Variants in CST1 observed in about 807,000 individuals in gnomAD.
The protein encoded by CST1 is cystatin SN.
A neutral mutation model predicts 10.7 loss-of-function variants in CST1; 19 were observed. That is an observed-to-expected ratio of 1.78 (90% CI 1.24 to 2.61). CST1 has a LOEUF of 2.61. CST1 is among the 30% of genes most tolerant of loss of function. The probability of loss-of-function intolerance (pLI) is 0.00; values close to 1 mark genes in which losing one functional copy is unlikely to be tolerated. For missense variants in CST1, 247 were observed against 178.1 expected (o/e 1.39, Z -2.20); for synonymous variants, 95 against 72.8 (o/e 1.31, Z -1.55).
rs372538698 is a variant in CST1, at chr20:23,749,119, C to T, written c.239G>A (p.Gly80Glu). ...VLRARQQTVGGVNYFFDVEVG... is the reference protein window; with the variant it reads ...VLRARQQTVGEVNYFFDVEVG... ...CTCTACGTCGAAGAAGTAATTCACC[C>T]CCCCAACGGTCTGCACACAGGAGAA... The change falls in exon 2 of 3, where the codon GGG (glycine) becomes GAG (glutamate). Residue 80 changes from glycine to glutamate, a missense_variant. Transcript: ENST00000304749. 8.7e-6 allele frequency: 14 copies of T among 1,614,036 alleles called. No homozygotes were observed. In the African/African-American group the frequency reaches 9.3e-5, roughly 11 times the overall value.
At chr20:23,749,601 C>A (rs1600406329) in intron 1 of CST1, among the ~76,000 whole-genome samples, 2 of 152,226 alleles carry the variant, frequency 1.3e-5, no homozygotes, top group Admixed American at 1.3e-4. Context: ...ACCTGCGTGT[C>A]TTACAGTTGC....
Position 23,749,052 on chromosome 20 carries a change from G to T in CST1, c.306C>A (p.Asp102Glu). The change falls in exon 2 of 3, where the codon GAC (aspartate) becomes GAA (glutamate). Residue 102 changes from aspartate (D) to glutamate (E), a missense_variant. By Grantham distance (45) the Asp-to-Glu change is conservative. Coordinates refer to ENST00000304749, the MANE Select transcript of CST1 (RefSeq NM_001898.3). ...CTGGCTGTTCATGGAAGGCACAGGT[G>T]TCCAAGTTGGGCTGGGACTTGGTAC... The part of the protein sequence containing the change: ...TICTKSQPNL[D>E]TCAFHEQPEL... 1.2e-6 allele frequency: 2 copies of T among 1,614,172 alleles called. No individual in the cohort carries two copies. The highest frequency in any genetic ancestry group is 1.7e-6 in the Non-Finnish European group (2 of 1,180,026).
chr20:23,748,728 TGTAC>T (rs1982741534), intron 2 of CST1, among the ~76,000 whole-genome samples: 1 of 152,010 alleles, frequency 6.6e-6, no homozygotes, highest in East Asian at 1.9e-4. Context: ...CATGGATCTA[TGTAC>T]AAAGCCCCAT....
At chr20:23,750,023 C>T (rs189239828) in intron 1 of CST1, among the ~76,000 whole-genome samples, 64 of 151,846 alleles carry the variant, frequency 4.2e-4, no homozygotes, top group African/African-American at 1.5e-3. Context: ...GGCCCAGTTG[C>T]CCTGCTGAAG....
At chr20:23,750,612 G>C in intron 1 of CST1, 27 bp downstream of exon 1, 2 of 1,609,150 alleles carry the variant, frequency 1.2e-6, no homozygotes, top group Non-Finnish European at 1.7e-6. Context: ...TGGGACCCAG[G>C]ACCCCTGGGG....
At position 23,749,012 on chromosome 20, in the gene CST1, G is replaced by C. The variant is rs755348321; in HGVS notation, c.342+4C>G. The C allele has an allele frequency of 6.2e-7, 1 of 1,614,126 alleles. No homozygotes were observed. The highest frequency in any genetic ancestry group is 8.5e-7 in the Non-Finnish European group (1 of 1,180,010). On this transcript the variant is annotated splice_donor_region_variant and intron_variant, in intron 2 of 2. Transcript: ENST00000304749. Reference sequence around the variant, plus strand: ...CTGGCCCGGGACCTGCATCAGGAACGTACCTTCTGCAGTTCTGGCTGTTCA... The same window carrying C: ...CTGGCCCGGGACCTGCATCAGGAACCTACCTTCTGCAGTTCTGGCTGTTCA...
chr20:23,749,175 C>T (rs748048090), intron 1 of CST1, 46 bp from the exon 2 acceptor site: 3 of 1,583,532 alleles, frequency 1.9e-6, no homozygotes, highest in Non-Finnish European at 2.6e-6. Flanking sequence ...AGTTCATGCA[C>T]TCACAGGCAC....
rs188356246 is a variant in CST1 at position 23,747,795 on chromosome 20, C to A, written c.*21G>T. 3 of 1,610,716 alleles carry A rather than the reference C, an allele frequency of 1.9e-6. No individual in the cohort carries two copies. The highest frequency in any genetic ancestry group is 2.2e-5 in the East Asian group (1 of 44,838). On this transcript the variant is annotated 3_prime_UTR_variant, in exon 3 of 3. Transcript: ENST00000304749. ...GGGTGGGAGTGGGTGGTGGCTGGTG[C>A]GAATGGCCTGGCACAGATCCCTAGG...
At chr20:23,750,476 C>A (rs894141187) in intron 1 of CST1, among the ~76,000 whole-genome samples, 163 bp downstream of exon 1, 6 of 152,178 alleles carry the variant, frequency 3.9e-5, no homozygotes, top group Non-Finnish European at 8.8e-5. Context: ...GGCCGGGGAG[C>A]GTGCTTAGGC....
Position 23,747,692 on chromosome 20 carries a change from T to G in CST1, c.*124A>C. 2 of 831,458 alleles carry G rather than the reference T, an allele frequency of 2.4e-6. No individual in the cohort carries two copies. Among genetic ancestry groups the G allele is most frequent in the Non-Finnish European group, 1.9e-6 (1 of 515,258 alleles). 51.5% of individuals were successfully genotyped at this position (831,458 alleles called of 1,614,324 possible). A position where few individuals can be genotyped will look rare whatever the true frequency, so the allele number is the denominator to read the frequency against. On this transcript the variant is annotated 3_prime_UTR_variant, in exon 3 of 3. Transcript: ENST00000304749. ...CAAAGGACTCCTGCAGCCTTCTCTG[T>G]CTGTCTCTTGGCGCAGGCACATGGG...
At chr20:23,750,547 T>A (rs1982802201) in intron 1 of CST1, 92 bp downstream of exon 1, 2 of 1,111,416 alleles carry the variant, frequency 1.8e-6, no homozygotes, top group East Asian at 2.4e-5. Context: ...AGATCATGAA[T>A]GTATCAGTGT....
At chr20:23,747,965 T>A (rs1455071759) in intron 2 of CST1, 66 bp from the exon 3 acceptor site, 8 of 1,489,376 alleles carry the variant, frequency 5.4e-6, no homozygotes, top group South Asian at 3.4e-5. Context: ...TGCCCAGGCA[T>A]GAGATGTCAG....
chr20:23,748,909 T>A (rs1982748313), intron 2 of CST1, 107 bp downstream of exon 2: 4 of 834,182 alleles, frequency 4.8e-6, no homozygotes, highest in Middle Eastern at 2.6e-4. Context: ...GCTCCCCACA[T>A]ACCCACCTGC....
intron 1 of CST1, 80 bp from the exon 2 acceptor site, chr20:23,749,209 C>G: frequency 1.7e-6 from 2 of 1,144,738 alleles, no homozygotes; most frequent in Non-Finnish European, 2.6e-6. Flanking sequence ...AGTCACTGGA[C>G]TTGCTTGGGG....
chr20:23,750,538 G>A, intron 1 of CST1, 101 bp downstream of exon 1: 1 of 1,068,300 alleles, frequency 9.4e-7, no homozygotes, highest in South Asian at 1.4e-5. Flanking sequence ...CTGAGCATTA[G>A]ATCATGAATG....
At chr20:23,748,465 A>C (rs1476357684) in intron 2 of CST1, among the ~76,000 whole-genome samples, 1 of 151,984 alleles carries the variant, frequency 6.6e-6, no homozygotes, top group Non-Finnish European at 1.5e-5. Context: ...TAATCTGATC[A>C]CTGTGGCTGT....
intron 2 of CST1, 124 bp downstream of exon 2, chr20:23,748,892 A>G: frequency 1.4e-6 from 1 of 706,718 alleles, no homozygotes; most frequent in Non-Finnish European, 2.4e-6. Flanking sequence ...ACATCCATGC[A>G]TACACGGCTC....
At position 23,750,228 on chromosome 20, in the gene CST1, G is replaced by C. The variant is rs561732568; in HGVS notation, c.228+411C>G. ...GCTAGCCATAAGGGGCTGTGCCCAG[G>C]GGCGTGACTTGGGGAAGCAGGGCTC... is the stretch of plus-strand genomic sequence containing the variant. On this transcript the variant is annotated intron_variant, in intron 1 of 2. Transcript: ENST00000304749. Among the ~76,000 whole-genome samples, 4 of 152,310 alleles carry C rather than the reference G, an allele frequency of 2.6e-5. No individual in the cohort carries two copies. In the East Asian group the frequency reaches 7.7e-4, roughly 29 times the overall value.
At chr20:23,749,595 G>A (rs904476052) in intron 1 of CST1, among the ~76,000 whole-genome samples, 7 of 152,124 alleles carry the variant, frequency 4.6e-5, no homozygotes, top group Admixed American at 4.6e-4. Flanking sequence ...CAGCACACCT[G>A]CGTGTCTTAC....
Sources: allele counts gnomAD v4.1 joint callset (sites outside exome capture counted in the v4.1 genomes callset), GRCh38; gene constraint gnomAD v4.1.1; transcripts MANE v1.5; gene names NCBI Gene and HGNC (gene_info 2026-07-23, HGNC 2026-07-21).